UMAD1: variants seen among roughly 807,000 people sequenced by gnomAD.
The protein encoded by UMAD1 is UBAP1-MVB12-associated (UMA) domain containing 1, also known as UBAP1-MVB12-associated (UMA)-domain containing protein 1.
UMAD1 carries 8 observed loss-of-function variants against 6.1 expected under a neutral mutation model. The observed-to-expected ratio is 1.30, with a 90% CI of 0.76 to 2.35. The LOEUF (loss-of-function observed/expected upper bound fraction) is 2.35, where lower values mean the gene tolerates loss of function less well. Ranked by LOEUF, UMAD1 falls within the 30% of genes most tolerant of loss-of-function variation. The probability of loss-of-function intolerance (pLI) is 0.00; values close to 1 mark genes in which losing one functional copy is unlikely to be tolerated. For missense variants in UMAD1, 130 were observed against 78.4 expected, an observed-to-expected ratio of 1.66 and a Z score of -2.49; for synonymous variants, 56 against 31.4, an observed-to-expected ratio of 1.78 and a Z score of -2.61.
intron 1 of UMAD1, among the ~76,000 whole-genome samples, chr7:7,644,719 A>T (rs1243822084): frequency 6.6e-6 from 1 of 151,920 alleles, no homozygotes; most frequent in African/African-American, 2.4e-5. Context: ...CTATCCCTGA[A>T]CCACTACCTA....
chr7:7,664,586 C>G (rs1183060416), intron 1 of UMAD1, among the ~76,000 whole-genome samples: 4 of 152,180 alleles, frequency 2.6e-5, no homozygotes, highest in South Asian at 2.1e-4. Flanking sequence ...TCTATACCCA[C>G]TATGCTTTTT....
At chr7:7,705,539 G>C (rs1174021298) in intron 2 of UMAD1, among the ~76,000 whole-genome samples, 1 of 152,102 alleles carries the variant, frequency 6.6e-6, no homozygotes, top group Non-Finnish European at 1.5e-5. Flanking sequence ...TAATCATCTG[G>C]CTCTAAGTAC....
At chr7:7,641,662 C>T (rs1258708030) in intron 1 of UMAD1, 2 of 152,170 alleles carry the variant, frequency 1.3e-5, no homozygotes, top group East Asian at 3.8e-4. Context: ...GCGGCCTTGC[C>T]AGGAGTATTC....
At chr7:7,730,451 A>G (rs1265275435) in intron 2 of UMAD1, among the ~76,000 whole-genome samples, 3 of 152,122 alleles carry the variant, frequency 2.0e-5, no homozygotes, top group African/African-American at 7.2e-5. Context: ...CCTCATTTTA[A>G]GCAATTGATC....
At chr7:7,770,315 C>T (rs1782075492) in intron 2 of UMAD1, among the ~76,000 whole-genome samples, 1 of 152,178 alleles carries the variant, frequency 6.6e-6, no homozygotes, top group South Asian at 2.1e-4. Context: ...GCTCTGGAGC[C>T]TGCCTAGCCT....
At chr7:7,743,289 G>A (rs1423121905) in intron 2 of UMAD1, among the ~76,000 whole-genome samples, 1 of 152,034 alleles carries the variant, frequency 6.6e-6, no homozygotes, top group East Asian at 1.9e-4. Flanking sequence ...AATTAGCAAG[G>A]GATAGTAGAA....
intron 2 of UMAD1, among the ~76,000 whole-genome samples, chr7:7,733,035 A>G (rs966614746): frequency 6.6e-6 from 1 of 152,236 alleles, no homozygotes; most frequent in African/African-American, 2.4e-5. Context: ...AACCTCTGTC[A>G]TAAGTAATGG....
chr7:7,708,797 C>A (rs1293742270), intron 2 of UMAD1, among the ~76,000 whole-genome samples: 1 of 151,754 alleles, frequency 6.6e-6, no homozygotes, highest in Admixed American at 6.6e-5. Context: ...CTTTTTTTGC[C>A]CATTAATATG....
At chr7:7,672,579 C>T (rs1779633851) in intron 1 of UMAD1, among the ~76,000 whole-genome samples, 1 of 152,110 alleles carries the variant, frequency 6.6e-6, no homozygotes, top group Admixed American at 6.6e-5. Flanking sequence ...TCATGGGAGC[C>T]ATTTCATGTT....
intron 2 of UMAD1, among the ~76,000 whole-genome samples, chr7:7,786,775 T>G (rs1354988831): frequency 6.6e-6 from 1 of 152,178 alleles, no homozygotes; most frequent in Non-Finnish European, 1.5e-5. Context: ...GGGATTGATG[T>G]GCTTTCTCAC....
At chr7:7,679,711 AATAT>A (rs372324513) in intron 2 of UMAD1, among the ~76,000 whole-genome samples, 50 of 128,430 alleles carry the variant, frequency 3.9e-4, no homozygotes, top group African/African-American at 1.3e-3. Flanking sequence ...TTTATAGATA[AATAT>A]ATATATATAT....
intron 3 of UMAD1, among the ~76,000 whole-genome samples, chr7:7,872,480 A>C (rs1037618966): frequency 2.0e-5 from 3 of 152,236 alleles, no homozygotes; most frequent in African/African-American, 7.2e-5. Flanking sequence ...GTGGCACTGC[A>C]AAACAAATAC....
chr7:7,717,439 C>T (rs377538170), intron 2 of UMAD1, among the ~76,000 whole-genome samples: 15 of 152,162 alleles, frequency 9.9e-5, no homozygotes, highest in African/African-American at 3.6e-4. Context: ...TGGCGTGAGA[C>T]GATAACCTCA....
At chr7:7,828,645 A>G (rs1017047115) in intron 3 of UMAD1, among the ~76,000 whole-genome samples, 1 of 152,170 alleles carries the variant, frequency 6.6e-6, no homozygotes, top group Non-Finnish European at 1.5e-5. Context: ...CCAGAAAAAG[A>G]AAGGGGATAG....
At chr7:7,757,365 C>A (rs1422711343) in intron 2 of UMAD1, among the ~76,000 whole-genome samples, 1 of 152,096 alleles carries the variant, frequency 6.6e-6, no homozygotes, top group Non-Finnish European at 1.5e-5. Flanking sequence ...AGAAACATTC[C>A]CCTTGGAATT....
chr7:7,695,052 A>G (rs1780276632), intron 2 of UMAD1, among the ~76,000 whole-genome samples: 1 of 152,178 alleles, frequency 6.6e-6, no homozygotes, highest in East Asian at 1.9e-4. Flanking sequence ...AGTGTTTGTC[A>G]TTACCTTTCT....
intron 1 of UMAD1, among the ~76,000 whole-genome samples, chr7:7,656,537 A>G (rs1785348350): frequency 2.0e-5 from 3 of 151,682 alleles, no homozygotes; most frequent in African/African-American, 7.3e-5. Flanking sequence ...TCATTGCTCA[A>G]CTCCCACTTA....
intron 2 of UMAD1, among the ~76,000 whole-genome samples, chr7:7,686,879 C>T (rs1780053397): frequency 6.6e-6 from 1 of 152,176 alleles, no homozygotes; most frequent in South Asian, 2.1e-4. Flanking sequence ...GTGTACCTTC[C>T]TTACTCCTCT....
chr7:7,647,988 G>T (rs6463711), intron 1 of UMAD1, among the ~76,000 whole-genome samples: 128,844 of 151,974 alleles, frequency 0.85, 54,645 homozygotes, highest in East Asian at 0.89. Context: ...TTGTCTTATC[G>T]TTTTCCATCC....
Sources: allele counts gnomAD v4.1 joint callset (sites outside exome capture counted in the v4.1 genomes callset), GRCh38; gene constraint gnomAD v4.1.1; transcripts MANE v1.5; gene names NCBI Gene and HGNC (gene_info 2026-07-23, HGNC 2026-07-21).